Variants in IDO2 observed in about 807,000 individuals in gnomAD.
IDO2 encodes the protein indoleamine 2,3-dioxygenase-like 1 protein.
IDO2 carries 46 observed loss-of-function variants against 45.1 expected under a neutral mutation model. That is an observed-to-expected ratio of 1.02 (90% CI 0.80 to 1.30). The LOEUF is 1.30. IDO2 is among the 50% of genes most tolerant of loss of function. The probability of loss-of-function intolerance (pLI) is 0.00; values close to 1 mark genes in which losing one functional copy is unlikely to be tolerated. For missense variants in IDO2, 544 were observed against 491.8 expected (o/e 1.11, Z -1.00); for synonymous variants, 218 against 184.9 (o/e 1.18, Z -1.45).
chr8:40,007,104 A>G (rs1802235952), intron 9 of IDO2, among the ~76,000 whole-genome samples: 1 of 151,858 alleles, frequency 6.6e-6, no homozygotes, highest in South Asian at 2.1e-4. Context: ...ACAGTGAAAA[A>G]TGAAAGGTGG....
chr8:40,008,524 C>T (rs944060342), intron 9 of IDO2, among the ~76,000 whole-genome samples: 2 of 152,214 alleles, frequency 1.3e-5, no homozygotes, highest in African/African-American at 2.4e-5. Flanking sequence ...ATTACACCTG[C>T]AAAGTCCCCT....
At chr8:39,966,169 C>G (rs2129593922) in intron 3 of IDO2, among the ~76,000 whole-genome samples, 1 of 151,808 alleles carries the variant, frequency 6.6e-6, no homozygotes, top group South Asian at 2.1e-4. Context: ...GCTGGGACTA[C>G]AGGCACCCGC....
chr8:39,935,117 G>A, exon 1 of IDO2: 1 of 1,152,118 alleles, frequency 8.7e-7, no homozygotes, highest in Non-Finnish European at 1.3e-6. Context: ...AATACAGAAG[G>A]CAATGGACAC....
chr8:40,008,530 C>T (rs1191867816), intron 9 of IDO2, among the ~76,000 whole-genome samples: 2 of 152,164 alleles, frequency 1.3e-5, no homozygotes, highest in Non-Finnish European at 2.9e-5. Flanking sequence ...CCTGCAAAGT[C>T]CCCTTTGCCA....
At position 39,985,080 on chromosome 8, in the gene IDO2, T is replaced by TA. The variant is rs375337727; in HGVS notation, c.435-427dup. ...CTGAGTAGCTGGGATTGCAGGCACC[T>TA]ACCACCACACCCGACTAATTTTTGT... On this transcript the variant is annotated intron_variant, in intron 5 of 10. Coordinates refer to ENST00000502986, the Ensembl canonical transcript of IDO2. The TA allele has an allele frequency of 4.1e-3, 1,277 of 308,910 alleles. 17 individuals are homozygous for TA. The highest frequency in any genetic ancestry group is 0.027 in the African/African-American group (1,187 of 44,470). 19.1% of individuals were successfully genotyped at this position (308,910 alleles called of 1,614,324 possible). A position where few individuals can be genotyped will look rare whatever the true frequency, so the allele number is the denominator to read the frequency against.
chr8:39,963,585 A>G, intron 2 of IDO2, 23 bp from the exon 3 acceptor site: 1 of 1,462,600 alleles, frequency 6.8e-7, no homozygotes, highest in Non-Finnish European at 9.5e-7. Flanking sequence ...TAAAATATTT[A>G]CATGTTTCTA....
At position 39,935,247 on chromosome 8, in the gene IDO2, C is replaced by A. The variant is rs1221249510; in HGVS notation, c.-18+29C>A. 1.9e-6 allele frequency: 3 copies of A among 1,577,748 alleles called. No individual in the cohort carries two copies. In the South Asian group the frequency reaches 3.3e-5, roughly 18 times the overall value. On this transcript the variant is annotated intron_variant, in intron 1 of 10. Transcript: ENST00000502986. The stretch of plus-strand genomic sequence containing the variant: ...AGTACACTGGTAACTTCTTTTCTAA[C>A]CTCGTATGCATAATGTAAACATCAA...
intron 3 of IDO2, among the ~76,000 whole-genome samples, chr8:39,970,219 T>G (rs529410430): frequency 1.3e-5 from 2 of 152,148 alleles, no homozygotes; most frequent in African/African-American, 4.8e-5. Context: ...AGTAAAAAAG[T>G]TTTAAACCAG....
rs187357959 is a variant in IDO2, at chr8:39,958,802, C to T, written c.100-4806C>T. On this transcript the variant is annotated intron_variant, in intron 2 of 10. Coordinates refer to ENST00000502986, the Ensembl canonical transcript of IDO2. ...ATTTTTAATTTTCCTATGCTACTTT[C>T]TTAGCCAAAATTTATACTTAATCTA... 3.5e-3 allele frequency among the ~76,000 whole-genome samples: 524 copies of T among 149,240 alleles called. 5 individuals carry two copies. Among genetic ancestry groups the T allele is most frequent in the South Asian group, 0.026 (119 of 4,634 alleles).
chr8:39,967,685 A>T (rs144785675), intron 3 of IDO2, among the ~76,000 whole-genome samples: 2,149 of 152,188 alleles, frequency 0.014, 56 homozygotes, highest in African/African-American at 0.049. Flanking sequence ...ACGGGGTTTC[A>T]CCATGTTGGC....
At chr8:39,975,424 T>C (rs1011404233) in intron 3 of IDO2, among the ~76,000 whole-genome samples, 5 of 152,156 alleles carry the variant, frequency 3.3e-5, no homozygotes, top group Non-Finnish European at 7.3e-5. Context: ...ATCCTGAATA[T>C]ACAAAATCTT....
intron 2 of IDO2, among the ~76,000 whole-genome samples, chr8:39,962,610 AT>A (rs999436217): frequency 4.5e-4 from 68 of 152,148 alleles, no homozygotes; most frequent in African/African-American, 1.6e-3. Context: ...AAGGGTGAGG[AT>A]GACGGAATTT....
chr8:40,008,025 T>C (rs1264667269), intron 9 of IDO2, among the ~76,000 whole-genome samples: 2 of 151,578 alleles, frequency 1.3e-5, no homozygotes, highest in African/African-American at 4.9e-5. Flanking sequence ...TGTTTTTTTT[T>C]TTCCATCTCA....
chr8:39,959,944 A>C (rs922398346), intron 2 of IDO2, among the ~76,000 whole-genome samples: 2 of 152,172 alleles, frequency 1.3e-5, no homozygotes, highest in African/African-American at 4.8e-5. Context: ...GCACCACTGC[A>C]CTTTAGACTG....
intron 6 of IDO2, among the ~76,000 whole-genome samples, chr8:39,986,625 A>T (rs1808426448): frequency 1.3e-5 from 2 of 152,090 alleles, no homozygotes; most frequent in African/African-American, 4.8e-5. Context: ...TTTAGAAATG[A>T]TTCCTCTGTA....
At chr8:40,011,666 T>G (rs891763085) in intron 9 of IDO2, among the ~76,000 whole-genome samples, 5 of 152,226 alleles carry the variant, frequency 3.3e-5, no homozygotes, top group African/African-American at 1.2e-4. Flanking sequence ...ATGGCTAGTA[T>G]TCACTGAATG....
intron 2 of IDO2, among the ~76,000 whole-genome samples, chr8:39,960,943 C>T (rs1807985658): frequency 6.7e-6 from 1 of 148,302 alleles, no homozygotes; most frequent in East Asian, 2.1e-4. Context: ...CCAACACGCC[C>T]AGCTAATTTT....
At chr8:39,972,823 G>A (rs1808200614) in intron 3 of IDO2, among the ~76,000 whole-genome samples, 1 of 152,036 alleles carries the variant, frequency 6.6e-6, no homozygotes, top group Non-Finnish European at 1.5e-5. Flanking sequence ...CCAGCAAAGA[G>A]ATTATGACTC....
At chr8:40,015,155 GA>G (rs1802367718) in intron 10 of IDO2, 91 bp from the exon 11 acceptor site, 1 of 640,916 alleles carries the variant, frequency 1.6e-6, no homozygotes, top group Non-Finnish European at 2.4e-6. Flanking sequence ...ATCTCATCTA[GA>G]GAAAAAAAAA....
Sources: gnomAD v4.1 joint callset for allele counts (sites outside exome capture counted in the v4.1 genomes callset) on GRCh38, gnomAD v4.1.1 for gene constraint, MANE v1.5 for transcripts, NCBI Gene and HGNC (gene_info 2026-07-23, HGNC 2026-07-21) for gene names.